Variants in ZSCAN20 observed in about 807,000 individuals in gnomAD.
ZSCAN20 encodes zinc finger and SCAN domain containing 20.
ZSCAN20 carries 39 observed loss-of-function variants against 97.1 expected under a neutral mutation model. The ratio of observed to expected loss-of-function variants is 0.40; its 90% confidence interval spans 0.31 to 0.52. The LOEUF (loss-of-function observed/expected upper bound fraction) is 0.52. Among genes scored for constraint, ZSCAN20 ranks in the 20% least tolerant of loss-of-function variants. ZSCAN20 has a pLI of 0.49. For synonymous variants in ZSCAN20, 456 were observed against 467.3 expected (o/e 0.98, Z 0.31); for missense variants, 1,115 against 1,290.4 (o/e 0.86, Z 2.08).
chr1:33,488,431 T>C (rs1652450911), intron 2 of ZSCAN20, 34 bp from the exon 3 acceptor site: 1 of 1,603,616 alleles, frequency 6.2e-7, no homozygotes. Context: ...TCTTACTGAA[T>C]TGTTGATTGG....
At chr1:33,474,419 C>T (rs1466913285) in intron 1 of ZSCAN20, among the ~76,000 whole-genome samples, 3 of 152,188 alleles carry the variant, frequency 2.0e-5, no homozygotes, top group East Asian at 3.9e-4. Context: ...AGAGCATCTT[C>T]TCTTCCCTTT....
At chr1:33,475,081 C>A (rs1274609855) in intron 1 of ZSCAN20, among the ~76,000 whole-genome samples, 1 of 152,190 alleles carries the variant, frequency 6.6e-6, no homozygotes, top group Non-Finnish European at 1.5e-5. Flanking sequence ...TCTGCTCACT[C>A]CTGCCTTAAT....
At position 33,500,313 on chromosome 1, in the gene ZSCAN20, GTC is replaced by G. The variant is rs1221309421; in HGVS notation, c.*4841_*4842del. The stretch of plus-strand genomic sequence containing the variant: ...CTCCGTGTGCCGCATCTCTCACCTA[GTC>G]TCTGTTAGGAACCCTACAGGAGCCT... On this transcript the variant is annotated 3_prime_UTR_variant, in exon 8 of 8. Coordinates refer to ENST00000684572, the MANE Select transcript of ZSCAN20 (RefSeq NM_001377376.1). Among the ~76,000 whole-genome samples the G allele has an allele frequency of 2.6e-5, 4 of 152,028 alleles. No homozygotes were observed. The highest frequency in any genetic ancestry group is 5.9e-5 in the Non-Finnish European group (4 of 68,030).
intron 1 of ZSCAN20, among the ~76,000 whole-genome samples, chr1:33,476,177 C>T (rs932228109): frequency 2.0e-5 from 3 of 152,150 alleles, no homozygotes; most frequent in Non-Finnish European, 2.9e-5. Flanking sequence ...CTGGTCATCT[C>T]GGAACTGAGG....
chr1:33,491,047 T>A lies in ZSCAN20; in HGVS notation c.789T>A (p.Ser263Arg). 1 of 1,604,404 alleles carries A rather than the reference T, an allele frequency of 6.2e-7. No individual in the cohort carries two copies. Among genetic ancestry groups the A allele is most frequent in the Non-Finnish European group, 8.5e-7 (1 of 1,176,694 alleles). Residue 263 changes from serine to arginine, a missense_variant, in exon 6 of 8, where the codon AGT becomes AGA. Ser to Arg is a moderately radical substitution (Grantham distance 110). This residue lies in a region of ZSCAN20 where 508 missense variants were observed against 611.2 expected (regional missense o/e 0.83). Coordinates refer to ENST00000684572, the MANE Select transcript of ZSCAN20 (RefSeq NM_001377376.1). This position sits in a 1 kb window ranked among gnomAD's most constrained non-coding sequence, Gnocchi z 4.3. ...TAGGAGTTCCAGTTTCAAAACCAAG[T>A]AATACCTCCGAGAAAGAGCAAGGAC... ...VCLGVPVSKP[S>R]NTSEKEQGPE...
rs536303642 is a variant in ZSCAN20 at position 33,496,459 on chromosome 1, C to T, written c.*983C>T. 7 of 152,130 alleles carry T rather than the reference C, an allele frequency of 4.6e-5. No individual in the cohort carries two copies. Among genetic ancestry groups the T allele is most frequent in the East Asian group, 3.9e-4 (2 of 5,174 alleles). The allele number at this position is 152,130 out of a possible 1,614,324, so 9.4% of individuals were successfully genotyped here. ...AATACTTGATGTGAGTTTCCATCTT[C>T]GCAATAATATGGGTGAGAGATATAG... is the stretch of plus-strand genomic sequence containing the variant. On this transcript the variant is annotated 3_prime_UTR_variant, in exon 8 of 8. Coordinates refer to ENST00000684572, the MANE Select transcript of ZSCAN20 (RefSeq NM_001377376.1).
At chr1:33,489,366 T>C (rs1652503847) in intron 4 of ZSCAN20, 152 bp from the exon 5 acceptor site, 1 of 980,924 alleles carries the variant, frequency 1.0e-6, no homozygotes, top group Non-Finnish European at 1.6e-6. Flanking sequence ...CAAACACATG[T>C]ATGTACCAAA....
chr1:33,492,822 A>G (rs1652679180), intron 6 of ZSCAN20, among the ~76,000 whole-genome samples: 1 of 151,824 alleles, frequency 6.6e-6, no homozygotes, highest in African/African-American at 2.4e-5. Context: ...TAAATAGAGT[A>G]CAGGTATTGA....
In ZSCAN20 at chr1:33,500,153, C is replaced by G. The variant is rs74632749; in HGVS notation, c.*4677C>G. Among the ~76,000 whole-genome samples the G allele has an allele frequency of 2.7e-3, 411 of 152,300 alleles. 2 individuals carry two copies. Among genetic ancestry groups the G allele is most frequent in the African/African-American group, 9.3e-3 (387 of 41,560 alleles). ...TGTCTTTAGCATCATTTTGCCCTCC[C>G]TCTGACTTTCAGCAAGCCTGCACTT... On this transcript the variant is annotated 3_prime_UTR_variant, in exon 8 of 8. Transcript: ENST00000684572.
rs1198070364 is a variant in ZSCAN20 at position 33,488,473 on chromosome 1, A to C, written c.426A>C (p.Glu142Asp). ...ETRTAGQSGL[E>D]LHTEETRPLK... ...TGACTATTTGTGTGTAGGGACTGGAATTGCATACAGAAGAGACCAGGCCCT... is the reference window on the plus strand; with the variant it reads ...TGACTATTTGTGTGTAGGGACTGGACTTGCATACAGAAGAGACCAGGCCCT... Residue 142 changes from glutamate to aspartate, a missense_variant, in exon 3 of 8, where the codon GAA becomes GAC. Coordinates refer to ENST00000684572, the MANE Select transcript of ZSCAN20 (RefSeq NM_001377376.1). 3 of 1,611,976 alleles carry C rather than the reference A, an allele frequency of 1.9e-6. No individual in the cohort carries two copies. Among genetic ancestry groups the C allele is most frequent in the Non-Finnish European group, 2.5e-6 (3 of 1,179,494 alleles).
At chr1:33,487,149 T>C (rs1652400746) in intron 2 of ZSCAN20, among the ~76,000 whole-genome samples, 1 of 152,124 alleles carries the variant, frequency 6.6e-6, no homozygotes, top group African/African-American at 2.4e-5. Context: ...TAGTTACCTG[T>C]GATGAGGAGA....
intron 6 of ZSCAN20, among the ~76,000 whole-genome samples, chr1:33,492,899 A>ACCT (rs1652682559): frequency 6.6e-6 from 1 of 152,126 alleles, no homozygotes; most frequent in Non-Finnish European, 1.5e-5. Context: ...AGCTAAAGCC[A>ACCT]GGCACATGGG....
rs894892968 is a variant in ZSCAN20 at position 33,497,660 on chromosome 1, T to C, written c.*2184T>C. Among the ~76,000 whole-genome samples the C allele has an allele frequency of 6.6e-6, 1 of 151,980 alleles. No homozygotes were observed. Among genetic ancestry groups the C allele is most frequent in the Non-Finnish European group, 1.5e-5 (1 of 67,878 alleles). ...CAATTAGGATGGCCTTTTGGGACAC[T>C]GTTGTGGTATTTCAGCTAAAGGCTA... On this transcript the variant is annotated 3_prime_UTR_variant, in exon 8 of 8. Transcript: ENST00000684572.
In ZSCAN20 at chr1:33,494,719, A is replaced by T; in HGVS notation, c.2375A>T (p.Lys792Met). 1 of 1,614,142 alleles carries T rather than the reference A, an allele frequency of 6.2e-7. No individual in the cohort carries two copies. Among genetic ancestry groups the T allele is most frequent in the Non-Finnish European group, 8.5e-7 (1 of 1,180,020 alleles). ...CACCAGAGAATTCACACGGGGGAAA[A>T]GCCCTATAAATGTGGAGAATGTTGG... The part of the protein sequence containing the change: ...ITHQRIHTGE[K>M]PYKCGECWKS... The change falls in exon 8 of 8, where the codon AAG (lysine) becomes ATG (methionine). Residue 792 changes from lysine to methionine, a missense_variant. Lys to Met is a moderately conservative substitution (Grantham distance 95). This residue lies in a region of ZSCAN20 where 554 missense variants were observed against 584.9 expected (regional missense o/e 0.95). Transcript: ENST00000684572.
Position 33,489,701 on chromosome 1 carries a change from A to G in ZSCAN20, c.766+99A>G, listed in dbSNP as rs576216587. The G allele has an allele frequency of 1.3e-5, 14 of 1,075,572 alleles. No homozygotes were observed. The East Asian group carries it at 3.5e-4, about 27-fold the overall frequency. The allele number at this position is 1,075,572 out of a possible 1,614,324, so 66.6% of individuals were successfully genotyped here. A position where few individuals can be genotyped will look rare whatever the true frequency, so the allele number is the denominator to read the frequency against. Reference sequence around the variant, plus strand: ...GCTCCTTTAAGAATCATGGCTCTGCAGTCTCTGGAATTTCAGAAATAGGAA... The same window carrying G: ...GCTCCTTTAAGAATCATGGCTCTGCGGTCTCTGGAATTTCAGAAATAGGAA... On this transcript the variant is annotated intron_variant, in intron 5 of 7. Transcript: ENST00000684572.
intron 2 of ZSCAN20, among the ~76,000 whole-genome samples, chr1:33,488,044 T>C (rs1412984212): frequency 6.6e-6 from 1 of 152,208 alleles, no homozygotes; most frequent in African/African-American, 2.4e-5. Flanking sequence ...CATTTGGGGT[T>C]ATAATTTTAT....
At chr1:33,481,038 A>G in intron 2 of ZSCAN20, among the ~76,000 whole-genome samples, 1 of 152,212 alleles carries the variant, frequency 6.6e-6, no homozygotes, top group East Asian at 1.9e-4. Flanking sequence ...AAAGTTCTAT[A>G]CAGTGTGAGG....
intron 5 of ZSCAN20, 23 bp downstream of exon 5, chr1:33,489,625 G>A (rs1285759410): frequency 1.2e-6 from 2 of 1,609,952 alleles, no homozygotes; most frequent in African/African-American, 1.3e-5. Context: ...ACCCTCTGAA[G>A]GTGATGTTGT....
At chr1:33,489,082 G>A (rs1307039821) in intron 3 of ZSCAN20, 33 bp from the exon 4 acceptor site, 3 of 1,588,668 alleles carry the variant, frequency 1.9e-6, no homozygotes, top group Non-Finnish European at 2.6e-6. Flanking sequence ...GGGAACCAGA[G>A]CTTGGGTTTC....
Sources: gnomAD v4.1 joint callset for allele counts (sites outside exome capture counted in the v4.1 genomes callset) on GRCh38, gnomAD v4.1.1 for gene constraint, gnomAD v4.1.1 regional missense constraint, Gnocchi (gnomAD v3.1) non-coding constraint, MANE v1.5 for transcripts, NCBI Gene and HGNC (gene_info 2026-07-23, HGNC 2026-07-21) for gene names.